Variants in SCAPER observed in about 807,000 individuals in gnomAD.
The protein encoded by SCAPER is S-phase cyclin A associated protein in the ER.
In SCAPER, 98 loss-of-function variants were observed where a neutral mutation model predicts 182.2. The ratio of observed to expected loss-of-function variants is 0.54; its 90% CI spans 0.46 to 0.64. SCAPER has a LOEUF of 0.64. SCAPER is among the 30% of genes least tolerant of loss of function. SCAPER has a pLI of 0.00. For synonymous variants in SCAPER, 605 were observed against 564.6 expected, an observed-to-expected ratio of 1.07 and a Z score of -1.01; for missense variants, 1,432 against 1,690.0, an observed-to-expected ratio of 0.85 and a Z score of 2.68.
At chr15:76,404,503 G>A (rs763468547) in intron 27 of SCAPER, 21 bp downstream of exon 27, 17 of 1,580,590 alleles carry the variant, frequency 1.1e-5, no homozygotes, top group Admixed American at 8.5e-5. Flanking sequence ...AGTCTAGATT[G>A]AGATCAAGTA....
chr15:76,757,669 T>C (rs1382994548), intron 14 of SCAPER, among the ~76,000 whole-genome samples: 2 of 152,184 alleles, frequency 1.3e-5, no homozygotes, highest in Admixed American at 6.5e-5. Flanking sequence ...TTTTAATTTT[T>C]TGAGGAAATT....
chr15:76,517,423 C>A (rs1415255232), intron 23 of SCAPER, among the ~76,000 whole-genome samples: 1 of 150,062 alleles, frequency 6.7e-6, no homozygotes, highest in East Asian at 2.0e-4. Flanking sequence ...GATCTTGACT[C>A]ACTGCAACCT....
intron 2 of SCAPER, among the ~76,000 whole-genome samples, chr15:76,865,667 G>A (rs1170105360): frequency 3.9e-5 from 6 of 152,040 alleles, no homozygotes. Flanking sequence ...GTGAGTGACA[G>A]GAAACAGGTT....
chr15:76,882,752 C>A (rs1424452590), intron 2 of SCAPER, among the ~76,000 whole-genome samples: 1 of 152,186 alleles, frequency 6.6e-6, no homozygotes, highest in Non-Finnish European at 1.5e-5. Context: ...GAAAGCTCCG[C>A]CTCCCGGGTT....
In SCAPER at chr15:76,464,717, C is replaced by G. The variant is rs982195170; in HGVS notation, c.3078+6495G>C. ...TAATGCCGAGGTGAACATGGCAGTG[C>G]AGATATCTATTCAAGATCCCAATTT... On this transcript the variant is annotated intron_variant, in intron 25 of 31. Coordinates refer to ENST00000563290, the MANE Select transcript of SCAPER (RefSeq NM_020843.4). Among the ~76,000 whole-genome samples the G allele has an allele frequency of 2.6e-5, 4 of 152,146 alleles. No homozygotes were observed. In the East Asian group the frequency reaches 7.7e-4, roughly 29 times the overall value.
intron 25 of SCAPER, among the ~76,000 whole-genome samples, chr15:76,456,596 A>C (rs1014934617): frequency 9.9e-5 from 15 of 152,228 alleles, no homozygotes; most frequent in Admixed American, 5.9e-4. Context: ...TACAAACATC[A>C]ATTAGGTCAA....
chr15:76,469,323 T>C (rs2049945801), intron 25 of SCAPER, among the ~76,000 whole-genome samples: 1 of 152,158 alleles, frequency 6.6e-6, no homozygotes, highest in South Asian at 2.1e-4. Context: ...TGTTTTGAAA[T>C]AATTTTAAGT....
chr15:76,386,463 T>A (rs773868985), intron 27 of SCAPER, among the ~76,000 whole-genome samples: 1 of 152,166 alleles, frequency 6.6e-6, no homozygotes, highest in Non-Finnish European at 1.5e-5. Flanking sequence ...TCATAAAGCT[T>A]ACATTTTAGT....
chr15:76,397,912 T>C (rs758257736), intron 27 of SCAPER, among the ~76,000 whole-genome samples: 4 of 152,220 alleles, frequency 2.6e-5, no homozygotes, highest in Non-Finnish European at 5.9e-5. Flanking sequence ...AAGGTTTTAA[T>C]GACGCTATTG....
chr15:76,764,632 C>T (rs1326339373), intron 14 of SCAPER, among the ~76,000 whole-genome samples: 3 of 152,208 alleles, frequency 2.0e-5, no homozygotes, highest in East Asian at 3.8e-4. Flanking sequence ...AAACACACTA[C>T]AAACTGATAG....
At chr15:76,498,024 G>C (rs968475484) in intron 24 of SCAPER, among the ~76,000 whole-genome samples, 9 of 67,382 alleles carry the variant, frequency 1.3e-4, no homozygotes, top group African/African-American at 3.7e-4. Flanking sequence ...AAAAAAATAA[G>C]CACATGAGGC....
At chr15:76,783,462 G>C (rs1395081897) in intron 8 of SCAPER, among the ~76,000 whole-genome samples, 1 of 152,094 alleles carries the variant, frequency 6.6e-6, no homozygotes, top group Admixed American at 6.5e-5. Context: ...GTACAAATAG[G>C]AGATGGTATC....
chr15:76,496,061 G>A (rs1270801957), intron 24 of SCAPER, among the ~76,000 whole-genome samples: 2 of 150,706 alleles, frequency 1.3e-5, no homozygotes, highest in African/African-American at 4.9e-5. Context: ...GAGATGAAAG[G>A]TGGAAGGGGG....
At chr15:76,742,706 A>C (rs1237318911) in intron 15 of SCAPER, among the ~76,000 whole-genome samples, 1 of 151,914 alleles carries the variant, frequency 6.6e-6, no homozygotes, top group Non-Finnish European at 1.5e-5. Flanking sequence ...CAATCTACCT[A>C]AGAAAGAACT....
intron 1 of SCAPER, among the ~76,000 whole-genome samples, chr15:76,889,058 T>C (rs1450891639): frequency 6.6e-6 from 1 of 152,170 alleles, no homozygotes. Context: ...CAACCCAGAA[T>C]TTCATATCCA....
chr15:76,447,744 T>C (rs1288365608), intron 25 of SCAPER, among the ~76,000 whole-genome samples: 2 of 152,354 alleles, frequency 1.3e-5, no homozygotes, highest in East Asian at 1.9e-4. Context: ...ATTGCTTTCA[T>C]TCATTGAACA....
At chr15:76,443,028 G>A (rs1030627720) in intron 25 of SCAPER, among the ~76,000 whole-genome samples, 2 of 152,134 alleles carry the variant, frequency 1.3e-5, no homozygotes, top group African/African-American at 2.4e-5. Flanking sequence ...AGCGAAAGTT[G>A]GGGTAAAAAA....
intron 22 of SCAPER, among the ~76,000 whole-genome samples, chr15:76,577,663 A>G (rs1006430944): frequency 6.6e-6 from 1 of 152,112 alleles, no homozygotes; most frequent in Non-Finnish European, 1.5e-5. Flanking sequence ...ATCTGCTGAC[A>G]AAAGACTCCT....
intron 2 of SCAPER, among the ~76,000 whole-genome samples, chr15:76,878,773 GA>G (rs2151945044): frequency 6.6e-6 from 1 of 151,074 alleles, no homozygotes; most frequent in Non-Finnish European, 1.5e-5. Context: ...ATTTAAAAAA[GA>G]AAAAAAGAAG....
Sources: gnomAD v4.1 joint callset for allele counts (sites outside exome capture counted in the v4.1 genomes callset) on GRCh38, gnomAD v4.1.1 for gene constraint, MANE v1.5 for transcripts, NCBI Gene and HGNC (gene_info 2026-07-23, HGNC 2026-07-21) for gene names.